The following CTTNBP2 variants were observed in gnomAD, a reference collection of about 807,000 sequenced individuals.
The protein encoded by CTTNBP2 is cortactin-binding protein 2.
Under a neutral mutation model 156.9 loss-of-function variants are expected in CTTNBP2, and 108 were observed. The observed-to-expected ratio is 0.69, with a 90% CI of 0.59 to 0.81. The LOEUF (loss-of-function observed/expected upper bound fraction) is 0.81. Ranked by LOEUF, CTTNBP2 falls within the 30% of genes least tolerant of loss-of-function variation. The pLI is 0.00. For synonymous variants in CTTNBP2, 767 were observed against 751.8 expected (o/e 1.02, Z -0.33); for missense variants, 1,924 against 2,035.4 (o/e 0.95, Z 1.05).
In CTTNBP2 at chr7:117,777,593, G is replaced by T; in HGVS notation, c.2696C>A (p.Pro899His). Residue 899 changes from proline (P) to histidine (H), a missense_variant, in exon 8 of 23, where the codon CCT becomes CAT. Pro to His is a moderately conservative substitution (Grantham distance 77). Coordinates refer to ENST00000160373, the MANE Select transcript of CTTNBP2 (RefSeq NM_033427.3). ...GEESPEGISK[P>H]VVPADLINHA... ...GTTAATGAGGTCTGCAGGAACAACAGGCTTGGATATGCCTTCAGGACTCTC... is the reference window on the plus strand; with the variant it reads ...GTTAATGAGGTCTGCAGGAACAACATGCTTGGATATGCCTTCAGGACTCTC... 6.2e-7 allele frequency: 1 copy of T among 1,614,076 alleles called. No homozygotes were observed. The highest frequency in any genetic ancestry group is 1.1e-5 in the South Asian group (1 of 91,084).
At chr7:117,811,347 C>T (rs948272655) in intron 2 of CTTNBP2, among the ~76,000 whole-genome samples, 1 of 152,134 alleles carries the variant, frequency 6.6e-6, no homozygotes, top group Non-Finnish European at 1.5e-5. Context: ...GTCATCCAGG[C>T]TGGAATGCAG....
intron 2 of CTTNBP2, among the ~76,000 whole-genome samples, chr7:117,858,784 T>A (rs1472023585): frequency 1.3e-5 from 2 of 152,162 alleles, no homozygotes; most frequent in African/African-American, 4.8e-5. Context: ...AACAAGTCAA[T>A]ATAATTTTTA....
At chr7:117,751,830 T>C (rs1038078889) in intron 12 of CTTNBP2, among the ~76,000 whole-genome samples, 8 of 152,210 alleles carry the variant, frequency 5.3e-5, no homozygotes, top group African/African-American at 1.9e-4. Flanking sequence ...ACTGCTCCCT[T>C]GTCAGCCAGC....
intron 2 of CTTNBP2, among the ~76,000 whole-genome samples, chr7:117,843,602 G>A (rs1306319499): frequency 6.6e-6 from 1 of 152,156 alleles, no homozygotes; most frequent in East Asian, 1.9e-4. Flanking sequence ...ACATAAGAGA[G>A]GTAGATTATG....
At chr7:117,839,605 G>A (rs186197219) in intron 2 of CTTNBP2, among the ~76,000 whole-genome samples, 1 of 152,160 alleles carries the variant, frequency 6.6e-6, no homozygotes, top group Non-Finnish European at 1.5e-5. Flanking sequence ...CAGCCCCATG[G>A]TGAATTTAAT....
At chr7:117,771,669 T>A (rs1016452295) in intron 8 of CTTNBP2, among the ~76,000 whole-genome samples, 12 of 152,110 alleles carry the variant, frequency 7.9e-5, no homozygotes. Context: ...AATACAGTAG[T>A]CCATTCTCTC....
At chr7:117,848,377 C>A (rs544803451) in intron 2 of CTTNBP2, among the ~76,000 whole-genome samples, 21 of 152,090 alleles carry the variant, frequency 1.4e-4, no homozygotes, top group Non-Finnish European at 2.5e-4. Context: ...GCTACTTTGC[C>A]CAAGCATCCT....
intron 1 of CTTNBP2, 68 bp from the exon 2 acceptor site, chr7:117,861,384 T>C: frequency 9.3e-7 from 1 of 1,072,168 alleles, no homozygotes; most frequent in South Asian, 1.4e-5. Flanking sequence ...ATCCTAAGGG[T>C]ATGCAATGAA....
chr7:117,761,019 T>C lies in CTTNBP2; in HGVS notation c.2897-309A>G, dbSNP rs188425512. The stretch of plus-strand genomic sequence containing the variant: ...TAAAAAAAAAAATCTGAAAGAACTA[T>C]AACCCTCCCTTGACCCTGAATTCTC... On this transcript the variant is annotated intron_variant, in intron 9 of 22. Transcript: ENST00000160373. 3.9e-5 allele frequency among the ~76,000 whole-genome samples: 6 copies of C among 152,298 alleles called. No homozygotes were observed. In the East Asian group the frequency reaches 1.2e-3, roughly 29 times the overall value.
rs753979581 is a variant in CTTNBP2, at chr7:117,782,853, G to A, written c.2372+9C>T. 3.1e-6 allele frequency: 5 copies of A among 1,599,822 alleles called. No individual in the cohort carries two copies. The highest frequency in any genetic ancestry group is 4.3e-6 in the Non-Finnish European group (5 of 1,170,708). On this transcript the variant is annotated intron_variant, in intron 6 of 22. Transcript: ENST00000160373. ...GATGGTGGGAAAAAAAGAATTAAGAGCAACTTACTCGAAATGTCCCTGAGC... is the reference window on the plus strand; with the variant it reads ...GATGGTGGGAAAAAAAGAATTAAGAACAACTTACTCGAAATGTCCCTGAGC...
chr7:117,811,255 C>T (rs1176209199), intron 2 of CTTNBP2, among the ~76,000 whole-genome samples: 1 of 152,048 alleles, frequency 6.6e-6, no homozygotes, highest in Non-Finnish European at 1.5e-5. Context: ...CTATGGTGCC[C>T]TACTCCTCAA....
intron 8 of CTTNBP2, among the ~76,000 whole-genome samples, chr7:117,776,388 CA>C: frequency 6.6e-6 from 1 of 152,110 alleles, no homozygotes; most frequent in Non-Finnish European, 1.5e-5. Flanking sequence ...TTCCTTTGTA[CA>C]AAACCTTTCA....
intron 6 of CTTNBP2, among the ~76,000 whole-genome samples, chr7:117,781,746 A>AAG (rs1798449462): frequency 6.6e-6 from 1 of 152,214 alleles, no homozygotes; most frequent in Non-Finnish European, 1.5e-5. Context: ...AAAAGAAAGA[A>AAG]AGAAAAAAAT....
chr7:117,836,912 G>A (rs1801987848), intron 2 of CTTNBP2, among the ~76,000 whole-genome samples: 1 of 152,108 alleles, frequency 6.6e-6, no homozygotes. Context: ...ATCTCCCACG[G>A]GGTCTGTCCC....
intron 2 of CTTNBP2, among the ~76,000 whole-genome samples, chr7:117,827,309 G>A (rs558954010): frequency 3.0e-4 from 45 of 152,304 alleles, no homozygotes; most frequent in South Asian, 2.1e-4. Context: ...GGATTTAGCA[G>A]GTACTGCTTT....
At chr7:117,760,380 A>T in intron 10 of CTTNBP2, 55 bp downstream of exon 10, 1 of 1,550,442 alleles carries the variant, frequency 6.4e-7, no homozygotes, top group Non-Finnish European at 8.8e-7. Flanking sequence ...TGAAACCCAC[A>T]AACATAAATA....
chr7:117,768,029 G>A (rs1159146372), intron 8 of CTTNBP2, among the ~76,000 whole-genome samples: 2 of 151,828 alleles, frequency 1.3e-5, no homozygotes. Flanking sequence ...GAATAGACCA[G>A]AAAGCATGAA....
At chr7:117,844,098 C>T (rs1355491079) in intron 2 of CTTNBP2, among the ~76,000 whole-genome samples, 3 of 151,996 alleles carry the variant, frequency 2.0e-5, no homozygotes, top group African/African-American at 7.2e-5. Context: ...GGGAAAGATA[C>T]TACAACATGC....
rs73473671 is a variant in CTTNBP2, at chr7:117,760,535, G to A, written c.3072C>T (p.Ile1024=). The A allele has an allele frequency of 2.8e-4, 454 of 1,614,126 alleles. 1 individual carries two copies. The African/African-American group carries it at 5.5e-3, about 19-fold the overall frequency. The change falls in exon 10 of 23, where the codon ATC becomes ATT. Residue 1024 remains isoleucine, a synonymous_variant. Transcript: ENST00000160373. ...CCAGACTCCACCATCCATCAGAAGAGATTGCCTGGAAATGATTTGTCAGAG... is the reference window on the plus strand; with the variant it reads ...CCAGACTCCACCATCCATCAGAAGAAATTGCCTGGAAATGATTTGTCAGAG... The part of the protein sequence containing the change: ...SQALTNHFQA[I]SSDGWWSLED...
Sources: gnomAD v4.1 joint callset for allele counts (sites outside exome capture counted in the v4.1 genomes callset) on GRCh38, gnomAD v4.1.1 for gene constraint, MANE v1.5 for transcripts, NCBI Gene and HGNC (gene_info 2026-07-23, HGNC 2026-07-21) for gene names.